CNTN5: variants seen among roughly 807,000 people sequenced by gnomAD.
CNTN5 encodes the protein contactin-5.
In CNTN5, 77 loss-of-function variants were observed where a neutral mutation model predicts 129.1. That is an observed-to-expected ratio of 0.60 (90% confidence interval 0.50 to 0.72). The LOEUF (loss-of-function observed/expected upper bound fraction) is 0.72. Among genes scored for constraint, CNTN5 ranks in the 30% least tolerant of loss-of-function variants. The pLI is 0.00. For missense variants in CNTN5, 1,478 were observed against 1,328.8 expected (o/e 1.11, Z -1.75); for synonymous variants, 509 against 465.6 (o/e 1.09, Z -1.20).
At chr11:99,905,524 G>A (rs966743402) in intron 6 of CNTN5, among the ~76,000 whole-genome samples, 2 of 152,130 alleles carry the variant, frequency 1.3e-5, no homozygotes, top group African/African-American at 4.8e-5. Context: ...CCAGTACCAT[G>A]CTGTTTTGGT....
At chr11:99,846,357 C>CAAA (rs35705639) in intron 6 of CNTN5, among the ~76,000 whole-genome samples, 1,151 of 59,738 alleles carry the variant, frequency 0.019, 23 homozygotes, top group East Asian at 0.048. Context: ...GGATCTGTCT[C>CAAA]AAAAAAAAAA....
intron 2 of CNTN5, among the ~76,000 whole-genome samples, chr11:99,328,962 A>G (rs1208613649): frequency 1.3e-5 from 2 of 151,986 alleles, no homozygotes; most frequent in Non-Finnish European, 2.9e-5. Flanking sequence ...AAATACATGT[A>G]TAAGTTGGTG....
chr11:100,080,256 C>CA (rs560820899), intron 13 of CNTN5, among the ~76,000 whole-genome samples: 13 of 151,554 alleles, frequency 8.6e-5, no homozygotes, highest in South Asian at 4.2e-4. Flanking sequence ...ATCCTGCATA[C>CA]AAAAAAAATA....
intron 18 of CNTN5, among the ~76,000 whole-genome samples, chr11:100,292,679 C>T (rs1951016132): frequency 6.6e-6 from 1 of 151,894 alleles, no homozygotes; most frequent in Non-Finnish European, 1.5e-5. Flanking sequence ...GATGCCATAG[C>T]AAATCCATCT....
chr11:99,232,284 G>A (rs1293792787), intron 1 of CNTN5, among the ~76,000 whole-genome samples: 2 of 152,136 alleles, frequency 1.3e-5, no homozygotes, highest in Admixed American at 1.3e-4. Flanking sequence ...ACCCATGAGT[G>A]TGGAATGTTT....
chr11:99,045,568 C>T (rs968449645), intron 1 of CNTN5, among the ~76,000 whole-genome samples: 2 of 152,180 alleles, frequency 1.3e-5, no homozygotes, highest in African/African-American at 4.8e-5. Flanking sequence ...TAGCTTTCTA[C>T]ATGAGAAGTT....
chr11:99,565,758 C>G (rs1365254268), intron 3 of CNTN5, among the ~76,000 whole-genome samples: 1 of 152,076 alleles, frequency 6.6e-6, no homozygotes, highest in Non-Finnish European at 1.5e-5. Context: ...TAATCATTCT[C>G]CCATGATTTC....
chr11:99,940,748 T>C (rs1442366779), intron 7 of CNTN5, among the ~76,000 whole-genome samples: 1 of 151,990 alleles, frequency 6.6e-6, no homozygotes, highest in Non-Finnish European at 1.5e-5. Context: ...TGATGTGTGC[T>C]TACCATTCCA....
intron 13 of CNTN5, among the ~76,000 whole-genome samples, chr11:100,142,415 T>C (rs991868394): frequency 6.6e-6 from 1 of 152,150 alleles, no homozygotes; most frequent in South Asian, 2.1e-4. Flanking sequence ...CTAATACATA[T>C]GTAGATTGAG....
At chr11:99,258,042 T>C (rs936638889) in intron 1 of CNTN5, among the ~76,000 whole-genome samples, 17 of 152,174 alleles carry the variant, frequency 1.1e-4, no homozygotes, top group African/African-American at 4.1e-4. Flanking sequence ...TTTCTCCCCC[T>C]GAACACCTAA....
At chr11:99,242,471 G>T (rs1207496755) in intron 1 of CNTN5, among the ~76,000 whole-genome samples, 2 of 151,994 alleles carry the variant, frequency 1.3e-5, no homozygotes, top group African/African-American at 4.8e-5. Flanking sequence ...CTCCATTAGG[G>T]CAAACTTTTT....
chr11:100,188,450 G>T (rs571223708), intron 13 of CNTN5, among the ~76,000 whole-genome samples: 1 of 151,578 alleles, frequency 6.6e-6, no homozygotes, highest in African/African-American at 2.4e-5. Flanking sequence ...ACAACAACAA[G>T]AACAAAACAG....
rs775890074 is a variant in CNTN5, at chr11:100,061,240, G to T, written c.1009G>T (p.Val337Phe). 4 of 1,612,748 alleles carry T rather than the reference G, an allele frequency of 2.5e-6. No individual in the cohort carries two copies. In the South Asian group the frequency reaches 3.3e-5, roughly 13 times the overall value. The change falls in exon 10 of 25, where the codon GTT (valine) becomes TTT (phenylalanine). Residue 337 changes from valine (V) to phenylalanine (F), a missense_variant. Transcript: ENST00000524871. ...CGTTCCAACAATCACATGGATGAAGGTTAATGGTTATATTCCTAGTAAGGC... is the reference window on the plus strand; with the variant it reads ...CGTTCCAACAATCACATGGATGAAGTTTAATGGTTATATTCCTAGTAAGGC... ...NPVPTITWMKVNGYIPSKARL... is the reference protein window; with the variant it reads ...NPVPTITWMKFNGYIPSKARL...
intron 1 of CNTN5, among the ~76,000 whole-genome samples, chr11:99,054,302 C>T (rs1430055981): frequency 6.6e-6 from 1 of 151,446 alleles, no homozygotes; most frequent in Admixed American, 6.6e-5. Flanking sequence ...ACCAGACTTT[C>T]ACAGAGAGAA....
chr11:99,235,004 G>C lies in CNTN5; in HGVS notation c.-209-90342G>C, dbSNP rs896973908. 2.7e-4 allele frequency among the ~76,000 whole-genome samples: 41 copies of C among 151,254 alleles called. 1 individual carries two copies. The highest frequency in any genetic ancestry group is 5.9e-4 in the Non-Finnish European group (40 of 67,892). ...GATGAAATGGCTAATGACTGTTTGA[G>C]GCAGGCCTTTTTATAACACAAAGGA... On this transcript the variant is annotated intron_variant, in intron 1 of 24. Transcript: ENST00000524871.
chr11:100,342,499 G>C (rs1305364735), intron 23 of CNTN5, among the ~76,000 whole-genome samples: 3 of 152,026 alleles, frequency 2.0e-5, no homozygotes, highest in Non-Finnish European at 4.4e-5. Context: ...ATATGGTTTA[G>C]GTACCTTTCA....
At chr11:99,370,414 A>C (rs1037347714) in intron 2 of CNTN5, among the ~76,000 whole-genome samples, 1 of 152,220 alleles carries the variant, frequency 6.6e-6, no homozygotes, top group African/African-American at 2.4e-5. Flanking sequence ...AATTATTCAC[A>C]TACTGTAATT....
chr11:99,574,804 T>TGGATATTA (rs1228239465), intron 3 of CNTN5, among the ~76,000 whole-genome samples: 2 of 152,190 alleles, frequency 1.3e-5, no homozygotes, highest in Non-Finnish European at 2.9e-5. Context: ...TTGTAGATTC[T>TGGATATTA]GGATATTAGA....
intron 7 of CNTN5, among the ~76,000 whole-genome samples, chr11:99,942,671 T>C (rs1366228385): frequency 2.0e-5 from 3 of 151,930 alleles, no homozygotes; most frequent in African/African-American, 7.2e-5. Flanking sequence ...TGCTCTCCCT[T>C]CCCTTCTCCT....
Sources: gnomAD v4.1 joint callset for allele counts (sites outside exome capture counted in the v4.1 genomes callset) on GRCh38, gnomAD v4.1.1 for gene constraint, MANE v1.5 for transcripts, NCBI Gene and HGNC (gene_info 2026-07-23, HGNC 2026-07-21) for gene names.